ZNF532: variants seen among roughly 807,000 people sequenced by gnomAD.
ZNF532 encodes zinc finger protein 532.
Under a neutral mutation model 89.3 loss-of-function variants are expected in ZNF532, and 22 were observed. The observed-to-expected ratio is 0.25, with a 90% CI of 0.18 to 0.35. The LOEUF (loss-of-function observed/expected upper bound fraction) is 0.35. ZNF532 is among the 10% of genes least tolerant of loss of function. The pLI is 1.00. For synonymous variants in ZNF532, 606 were observed against 649.6 expected (o/e 0.93, Z 1.02); for missense variants, 1,132 against 1,643.4 (o/e 0.69, Z 5.38).
Position 58,939,561 on chromosome 18 carries a change from C to T in ZNF532, c.2645C>T (p.Ala882Val). Reference protein sequence around the residue: ...CPICPMAFKSAPSTHSHAYTQ... With the variant: ...CPICPMAFKSVPSTHSHAYTQ... ...ATTTGTCCAATGGCGTTTAAGTCTGCCCCAAGCACACATTCCCACGCCTAC... is the reference window on the plus strand; with the variant it reads ...ATTTGTCCAATGGCGTTTAAGTCTGTCCCAAGCACACATTCCCACGCCTAC... The change falls in exon 5 of 10, where the codon GCC becomes GTC. Residue 882 changes from alanine (A) to valine (V), a missense_variant. Ala to Val is a moderately conservative substitution (Grantham distance 64). This residue lies in a region of ZNF532 where 415 missense variants were observed against 604.8 expected (regional missense o/e 0.69). Coordinates refer to ENST00000591808, the MANE Select transcript of ZNF532 (RefSeq NM_001375912.1). 6.2e-7 allele frequency: 1 copy of T among 1,614,090 alleles called. No individual in the cohort carries two copies. Among genetic ancestry groups the T allele is most frequent in the Non-Finnish European group, 8.5e-7 (1 of 1,180,016 alleles).
intron 2 of ZNF532, among the ~76,000 whole-genome samples, chr18:58,881,431 C>T (rs995333310): frequency 6.6e-6 from 1 of 152,172 alleles, no homozygotes. Context: ...CTGCACCCAG[C>T]CTGTTTTACT....
At chr18:58,949,475 G>C (rs1200342494) in intron 6 of ZNF532, among the ~76,000 whole-genome samples, 1 of 152,090 alleles carries the variant, frequency 6.6e-6, no homozygotes, top group African/African-American at 2.4e-5. Flanking sequence ...AAGGTAGGCG[G>C]ATCACTTGAG....
At chr18:58,927,943 A>G (rs1386330216) in intron 3 of ZNF532, among the ~76,000 whole-genome samples, 1 of 152,192 alleles carries the variant, frequency 6.6e-6, no homozygotes, top group African/African-American at 2.4e-5. Context: ...CTTTAAAAGC[A>G]GTTAGGAGTG....
chr18:58,950,595 A>G (rs2064066328), intron 6 of ZNF532, among the ~76,000 whole-genome samples: 1 of 152,122 alleles, frequency 6.6e-6, no homozygotes, highest in African/African-American at 2.4e-5. Context: ...TTTTCTCCAC[A>G]TACATATTCA....
rs746475071 is a variant in ZNF532 at position 58,984,279 on chromosome 18, C to T, written c.3719C>T (p.Ala1240Val). Reference sequence around the variant, plus strand: ...CAGCCAGTGTCCAAGCAAAATGGGGCTGGGGAAGATAACCAACAGGAGAAC... The same window carrying T: ...CAGCCAGTGTCCAAGCAAAATGGGGTTGGGGAAGATAACCAACAGGAGAAC... The part of the protein sequence containing the change: ...EPQPVSKQNG[A>V]GEDNQQENKP... Residue 1240 changes from alanine (A) to valine (V), a missense_variant, in exon 10 of 10, where the codon GCT (alanine) becomes GTT (valine). Coordinates refer to ENST00000591808, the MANE Select transcript of ZNF532 (RefSeq NM_001375912.1). 5.6e-6 allele frequency: 9 copies of T among 1,611,958 alleles called. No individual in the cohort carries two copies. Among genetic ancestry groups the T allele is most frequent in the African/African-American group, 2.7e-5 (2 of 74,966 alleles).
chr18:58,879,130 G>A (rs2057675747), intron 2 of ZNF532, among the ~76,000 whole-genome samples: 1 of 152,264 alleles, frequency 6.6e-6, no homozygotes, highest in Non-Finnish European at 1.5e-5. Flanking sequence ...AAGGTGGCCA[G>A]TGGGGTTGTG....
intron 2 of ZNF532, among the ~76,000 whole-genome samples, chr18:58,901,022 A>G (rs138254124): frequency 6.6e-6 from 1 of 152,208 alleles, no homozygotes; most frequent in African/African-American, 2.4e-5. Context: ...GCCTTGTTTC[A>G]TGGGCAGTCC....
At chr18:58,917,181 G>A (rs888717031) in intron 2 of ZNF532, among the ~76,000 whole-genome samples, 1 of 152,156 alleles carries the variant, frequency 6.6e-6, no homozygotes, top group Non-Finnish European at 1.5e-5. Flanking sequence ...CACTGCAGAA[G>A]GAACAGATCC....
upstream of ZNF532, chr18:58,863,418 C>G (rs1430427209): frequency 1.5e-3 from 2 of 1,362 alleles, no homozygotes; most frequent in East Asian, 0.031. Context: ...CGCGCTGCCG[C>G]CGCCCGGTCC....
In ZNF532 at chr18:58,976,024, T is replaced by C. The variant is rs539025993; in HGVS notation, c.3151-3031T>C. Among the ~76,000 whole-genome samples the C allele has an allele frequency of 1.8e-3, 275 of 152,306 alleles. 1 individual carries two copies. Among genetic ancestry groups the C allele is most frequent in the African/African-American group, 5.9e-3 (247 of 41,576 alleles). On this transcript the variant is annotated intron_variant, in intron 7 of 9. Transcript: ENST00000591808. ...ATAAAAGCAGAAGGAGCTAGTAATA[T>C]TGAGGAACAGAAGTTACGAAAATAA...
At chr18:58,954,064 T>C (rs978819628) in intron 7 of ZNF532, 1 of 982,498 alleles carries the variant, frequency 1.0e-6, no homozygotes, top group Non-Finnish European at 1.2e-6. Flanking sequence ...ATCACATTCA[T>C]ATTTATAGCT....
intron 7 of ZNF532, among the ~76,000 whole-genome samples, chr18:58,976,825 T>G (rs2067113237): frequency 6.6e-6 from 1 of 152,218 alleles, no homozygotes; most frequent in Admixed American, 6.5e-5. Context: ...CTCAGTTGAT[T>G]TTTATATGTA....
intron 2 of ZNF532, among the ~76,000 whole-genome samples, chr18:58,878,080 C>G (rs1224957298): frequency 2.0e-5 from 3 of 152,026 alleles, no homozygotes; most frequent in Non-Finnish European, 4.4e-5. Context: ...CATGGTGAAA[C>G]CCAGTCTCTA....
intron 2 of ZNF532, among the ~76,000 whole-genome samples, chr18:58,912,785 G>A (rs1356442158): frequency 1.3e-5 from 2 of 152,026 alleles, no homozygotes; most frequent in Non-Finnish European, 2.9e-5. Context: ...ATTTTTTCAT[G>A]TGTGTGTCTG....
Position 58,920,669 on chromosome 18 carries a change from G to C in ZNF532, c.2346+36G>C, listed in dbSNP as rs2060967196. On this transcript the variant is annotated intron_variant, in intron 3 of 9. Transcript: ENST00000591808. ...ATTTAAATTTTTGTGTTTCAGTGAT[G>C]AGTCTGTAGGCATGAGTGCTTGATA... The C allele has an allele frequency of 2.0e-6, 3 of 1,528,456 alleles. No homozygotes were observed. The South Asian group carries it at 3.8e-5, about 19-fold the overall frequency. The allele number at this position is 1,528,456 out of a possible 1,614,324, so 94.7% of individuals were successfully genotyped here.
intron 2 of ZNF532, among the ~76,000 whole-genome samples, chr18:58,895,361 T>A (rs1307471741): frequency 6.6e-6 from 1 of 152,236 alleles, no homozygotes. Context: ...TCAGATAGAT[T>A]TGATAAGTAT....
chr18:58,956,736 T>C lies in ZNF532; in HGVS notation c.3150+2937T>C, dbSNP rs1447046793. ...GTTGTTAAGTCGTTGGATGTGTTCC[T>C]GTCTTTACCTCCACTCACCCCACAG... On this transcript the variant is annotated intron_variant, in intron 7 of 9. Transcript: ENST00000591808. 2.0e-5 allele frequency among the ~76,000 whole-genome samples: 3 copies of C among 152,214 alleles called. No individual in the cohort carries two copies. In the East Asian group the frequency reaches 5.8e-4, roughly 29 times the overall value.
chr18:58,886,115 T>A (rs191596242), intron 2 of ZNF532, among the ~76,000 whole-genome samples: 365 of 152,176 alleles, frequency 2.4e-3, no homozygotes, highest in Middle Eastern at 6.8e-3. Context: ...TAGCTGGGAC[T>A]ACAGGTGTGT....
At chr18:58,971,373 T>C (rs1365780081) in intron 7 of ZNF532, among the ~76,000 whole-genome samples, 1 of 152,228 alleles carries the variant, frequency 6.6e-6, no homozygotes, top group African/African-American at 2.4e-5. Context: ...TTGAGACTTG[T>C]CTCTATTTTC....
Sources: allele counts gnomAD v4.1 joint callset (sites outside exome capture counted in the v4.1 genomes callset), GRCh38; gene constraint gnomAD v4.1.1; regional missense constraint gnomAD v4.1.1; transcripts MANE v1.5; gene names NCBI Gene and HGNC (gene_info 2026-07-23, HGNC 2026-07-21).